The following NHSL1 variants were observed in gnomAD, a reference collection of about 807,000 sequenced individuals.
NHSL1 encodes NHS like 1, also known as NHS-like protein 1.
In NHSL1, 48 loss-of-function variants were observed where a neutral mutation model predicts 95.0. The ratio of observed to expected loss-of-function variants is 0.51; its 90% CI spans 0.40 to 0.64. NHSL1 has a LOEUF of 0.64. Among genes scored for constraint, NHSL1 ranks in the 30% least tolerant of loss-of-function variants. The probability of loss-of-function intolerance (pLI) is 0.00; values close to 1 mark genes in which losing one functional copy is unlikely to be tolerated. For missense variants in NHSL1, 1,971 were observed against 2,077.7 expected (o/e 0.95, Z 1.00); for synonymous variants, 783 against 833.9 (o/e 0.94, Z 1.05).
intron 1 of NHSL1, among the ~76,000 whole-genome samples, chr6:138,522,131 A>G (rs1224202608): frequency 6.6e-6 from 1 of 152,252 alleles, no homozygotes; most frequent in Non-Finnish European, 1.5e-5. Context: ...CCAGAAATCC[A>G]GAGTCAGATG....
chr6:138,450,639 A>G (rs1249802752), intron 3 of NHSL1, among the ~76,000 whole-genome samples: 1 of 152,192 alleles, frequency 6.6e-6, no homozygotes, highest in Non-Finnish European at 1.5e-5. Context: ...GACAATCACC[A>G]CAGATCACTC....
intron 1 of NHSL1, among the ~76,000 whole-genome samples, chr6:138,673,459 C>CAA (rs5880390): frequency 4.2e-4 from 60 of 142,158 alleles, no homozygotes; most frequent in Middle Eastern, 3.6e-3. Flanking sequence ...TTTACAGCTA[C>CAA]AAAAAAAAAA....
At chr6:138,574,592 C>A (rs183086182), upstream of NHSL1, among the ~76,000 whole-genome samples, 426 of 147,558 alleles carry the variant, frequency 2.9e-3, 3 homozygotes, top group African/African-American at 0.01. Context: ...TTTGGGAGGC[C>A]AAGGTAGATG....
intron 1 of NHSL1, among the ~76,000 whole-genome samples, chr6:138,668,692 T>C (rs1357806102): frequency 6.7e-6 from 1 of 148,802 alleles, no homozygotes; most frequent in African/African-American, 2.5e-5. Context: ...TGGCGCAGTC[T>C]CGGCTCACTG....
chr6:138,574,860 T>G (rs1334050788), upstream of NHSL1, among the ~76,000 whole-genome samples: 1 of 151,504 alleles, frequency 6.6e-6, no homozygotes, highest in African/African-American at 2.4e-5. Flanking sequence ...TCAAAAGAAA[T>G]AAATAAAAAT....
At chr6:138,528,867 G>C (rs1782019046) in intron 1 of NHSL1, among the ~76,000 whole-genome samples, 1 of 152,148 alleles carries the variant, frequency 6.6e-6, no homozygotes, top group South Asian at 2.1e-4. Flanking sequence ...AGATTAGTAT[G>C]TTTCCAGTGT....
At chr6:138,564,395 T>C (rs1783528649) in intron 1 of NHSL1, among the ~76,000 whole-genome samples, 1 of 152,108 alleles carries the variant, frequency 6.6e-6, no homozygotes, top group African/African-American at 2.4e-5. Context: ...AGGCAGTGGC[T>C]CAAGCCAAGC....
At chr6:138,466,203 C>A (rs965043153) in intron 3 of NHSL1, among the ~76,000 whole-genome samples, 2 of 152,012 alleles carry the variant, frequency 1.3e-5, no homozygotes, top group Non-Finnish European at 2.9e-5. Flanking sequence ...CCATGCCCAG[C>A]CAATTTTTTT....
chr6:138,582,533 T>C (rs1218228599), intron 1 of NHSL1, among the ~76,000 whole-genome samples: 1 of 152,188 alleles, frequency 6.6e-6, no homozygotes, highest in Non-Finnish European at 1.5e-5. Context: ...ATGTATTTGA[T>C]AGGTGAAGAT....
At chr6:138,471,532 AAGG>A (rs2128245934) in intron 3 of NHSL1, among the ~76,000 whole-genome samples, 1 of 152,330 alleles carries the variant, frequency 6.6e-6, no homozygotes, top group Non-Finnish European at 1.5e-5. Context: ...TAAAGGCTCA[AAGG>A]AGTAATCCAA....
chr6:138,608,945 G>C (rs545280904), intron 1 of NHSL1, among the ~76,000 whole-genome samples: 2 of 152,140 alleles, frequency 1.3e-5, no homozygotes, highest in African/African-American at 4.8e-5. Flanking sequence ...GTTACTAGAA[G>C]ATGCTAGGCA....
rs570453762 is a variant in NHSL1, at chr6:138,436,212, A to G, written c.665-2532T>C. On this transcript the variant is annotated intron_variant, in intron 5 of 7. Coordinates refer to ENST00000343505, the MANE Select transcript of NHSL1 (RefSeq NM_001144060.2). ...TAGTGAGGAAGGCATGTCAAAAGCTAAGATAGGCCAAAAGCTAGGCCTCTT... is the reference window on the plus strand; with the variant it reads ...TAGTGAGGAAGGCATGTCAAAAGCTGAGATAGGCCAAAAGCTAGGCCTCTT... Among the ~76,000 whole-genome samples the G allele has an allele frequency of 2.0e-5, 3 of 152,374 alleles. No homozygotes were observed. In the East Asian group the frequency reaches 5.8e-4, roughly 29 times the overall value.
At chr6:138,597,044 C>T (rs756082258) in intron 1 of NHSL1, among the ~76,000 whole-genome samples, 5 of 151,948 alleles carry the variant, frequency 3.3e-5, no homozygotes, top group Admixed American at 2.0e-4. Context: ...GTCTGTAATC[C>T]CAGATACTCA....
chr6:138,457,837 G>A (rs1180425064), intron 3 of NHSL1, among the ~76,000 whole-genome samples: 6 of 151,846 alleles, frequency 4.0e-5, no homozygotes, highest in East Asian at 1.9e-4. Flanking sequence ...GTGAAACCCC[G>A]TCTCTACTAA....
At chr6:138,670,720 C>CAGTA (rs1785356120) in intron 1 of NHSL1, among the ~76,000 whole-genome samples, 1 of 148,072 alleles carries the variant, frequency 6.8e-6, no homozygotes, top group Non-Finnish European at 1.5e-5. Flanking sequence ...TAAGAAGAGA[C>CAGTA]AGTACATCAA....
chr6:138,556,811 C>T (rs571387698), intron 1 of NHSL1, among the ~76,000 whole-genome samples: 2 of 152,046 alleles, frequency 1.3e-5, no homozygotes, highest in East Asian at 3.9e-4. Context: ...AATTGAAATA[C>T]GTCTTACCTT....
intron 2 of NHSL1, among the ~76,000 whole-genome samples, chr6:138,476,957 T>TAAAAAAAAAAAAAAAAAA (rs58311101): frequency 9.9e-6 from 1 of 100,514 alleles, no homozygotes; most frequent in African/African-American, 3.8e-5. Context: ...TCCCTGAATC[T>TAAAAAAAAAAAAAAAAAA]AAAAAAAAAA....
chr6:138,521,269 G>A (rs556975143), intron 1 of NHSL1, among the ~76,000 whole-genome samples: 1 of 152,208 alleles, frequency 6.6e-6, no homozygotes, highest in Admixed American at 6.5e-5. Flanking sequence ...AGACCAGCCT[G>A]GGCAACATAG....
chr6:138,457,658 A>G (rs1777705408), intron 3 of NHSL1, among the ~76,000 whole-genome samples: 1 of 152,084 alleles, frequency 6.6e-6, no homozygotes, highest in African/African-American at 2.4e-5. Context: ...TCTTTGTAAC[A>G]CACCCCTCCC....
Sources: allele counts gnomAD v4.1 joint callset (sites outside exome capture counted in the v4.1 genomes callset), GRCh38; gene constraint gnomAD v4.1.1; transcripts MANE v1.5; gene names NCBI Gene and HGNC (gene_info 2026-07-23, HGNC 2026-07-21).